Variants in LRRTM4 observed in about 807,000 individuals in gnomAD.
LRRTM4 encodes the protein leucine-rich repeat transmembrane neuronal protein 4.
Under a neutral mutation model 47.6 loss-of-function variants are expected in LRRTM4, and 25 were observed. The observed-to-expected ratio is 0.53, with a 90% CI of 0.38 to 0.73. The LOEUF is 0.73. LRRTM4 is among the 30% of genes least tolerant of loss of function. The probability of loss-of-function intolerance (pLI) is 0.00; values close to 1 mark genes in which losing one functional copy is unlikely to be tolerated. For missense variants in LRRTM4, 638 were observed against 713.4 expected, an observed-to-expected ratio of 0.89 and a Z score of 1.20; for synonymous variants, 311 against 269.5, an observed-to-expected ratio of 1.15 and a Z score of -1.51.
intron 3 of LRRTM4, among the ~76,000 whole-genome samples, chr2:77,364,744 G>A (rs533802394): frequency 6.6e-6 from 1 of 151,864 alleles, no homozygotes; most frequent in Non-Finnish European, 1.5e-5. Flanking sequence ...AATAGTAAGG[G>A]GGCATATAAA....
chr2:76,932,899 G>C (rs62170332), intron 3 of LRRTM4, among the ~76,000 whole-genome samples: 24,151 of 151,866 alleles, frequency 0.16, 2,415 homozygotes, highest in Admixed American at 0.27. Flanking sequence ...GAACATGCAG[G>C]TTTGTTACAT....
intron 3 of LRRTM4, among the ~76,000 whole-genome samples, chr2:77,207,724 CATAA>C (rs1252763396): frequency 6.6e-6 from 1 of 151,900 alleles, no homozygotes; most frequent in Non-Finnish European, 1.5e-5. Context: ...ATTTTCAACT[CATAA>C]ATAAACTATG....
intron 3 of LRRTM4, among the ~76,000 whole-genome samples, chr2:77,188,111 C>G (rs537755368): frequency 5.9e-5 from 9 of 152,268 alleles, no homozygotes; most frequent in Non-Finnish European, 1.3e-4. Flanking sequence ...CTTTAAACTG[C>G]TATACCATCA....
chr2:77,364,336 G>A (rs1194765223), intron 3 of LRRTM4, among the ~76,000 whole-genome samples: 1 of 152,004 alleles, frequency 6.6e-6, no homozygotes, highest in African/African-American at 2.4e-5. Flanking sequence ...GCTGTATTTG[G>A]AGAAAGCTAC....
intron 3 of LRRTM4, among the ~76,000 whole-genome samples, chr2:76,899,289 G>C (rs193002565): frequency 1.3e-5 from 2 of 149,562 alleles, no homozygotes; most frequent in African/African-American, 2.5e-5. Context: ...AATTCTATTG[G>C]AGGGAGAGAA....
intron 3 of LRRTM4, among the ~76,000 whole-genome samples, chr2:77,322,691 C>G (rs952968666): frequency 2.0e-5 from 3 of 151,240 alleles, no homozygotes; most frequent in Admixed American, 6.6e-5. Context: ...CGATCCTCAT[C>G]AAACAGATGC....
intron 3 of LRRTM4, among the ~76,000 whole-genome samples, chr2:77,018,259 C>CTTTTTTTTTTTTTTTTGTTTTTT (rs1678142768): frequency 1.3e-5 from 1 of 75,036 alleles, no homozygotes; most frequent in African/African-American, 5.2e-5. Flanking sequence ...CTCTTGATTG[C>CTTTTTTTTTTTTTTTTGTTTTTT]TTTTTTTTTT....
intron 3 of LRRTM4, among the ~76,000 whole-genome samples, chr2:77,027,107 CCT>C (rs1678480487): frequency 6.6e-6 from 1 of 152,044 alleles, no homozygotes; most frequent in Non-Finnish European, 1.5e-5. Context: ...CCCCAATGCC[CCT>C]CTTTCCTTGC....
intron 3 of LRRTM4, among the ~76,000 whole-genome samples, chr2:77,418,453 T>C (rs1674734186): frequency 6.6e-6 from 1 of 152,236 alleles, no homozygotes; most frequent in Admixed American, 6.5e-5. Context: ...CCCGAGCATA[T>C]GCCCTTGACT....
chr2:77,476,289 A>C (rs1677383912), intron 3 of LRRTM4, among the ~76,000 whole-genome samples: 1 of 152,186 alleles, frequency 6.6e-6, no homozygotes, highest in Admixed American at 6.5e-5. Context: ...CATCTACCTT[A>C]ATACTTTCTA....
chr2:76,903,171 A>T (rs190743243), intron 3 of LRRTM4, among the ~76,000 whole-genome samples: 2 of 152,266 alleles, frequency 1.3e-5, no homozygotes, highest in East Asian at 3.9e-4. Context: ...GGAGATCAAG[A>T]TCATCCTGGC....
rs370681497 is a variant in LRRTM4, at chr2:77,023,867, CTT to C, written c.1552-274953_1552-274952del. On this transcript the variant is annotated intron_variant, in intron 3 of 3. Coordinates refer to ENST00000409884, the MANE Select transcript of LRRTM4 (RefSeq NM_001134745.3). The stretch of plus-strand genomic sequence containing the variant: ...AAGTCACTTCCACATTTTCAGGTAT[CTT>C]TTCAGCAATGCCCCACTCTAGTGGT... Among the ~76,000 whole-genome samples the C allele has an allele frequency of 4.6e-5, 7 of 152,202 alleles. No homozygotes were observed. In the South Asian group the frequency reaches 1.2e-3, roughly 27 times the overall value.
chr2:77,251,020 T>C (rs867257366), intron 3 of LRRTM4, among the ~76,000 whole-genome samples: 1 of 151,838 alleles, frequency 6.6e-6, no homozygotes, highest in Non-Finnish European at 1.5e-5. Flanking sequence ...GGAGAATCCC[T>C]TGAACCTGGG....
At chr2:76,941,811 C>T (rs757374216) in intron 3 of LRRTM4, among the ~76,000 whole-genome samples, 1 of 152,126 alleles carries the variant, frequency 6.6e-6, no homozygotes, top group Non-Finnish European at 1.5e-5. Context: ...GATTTATAAT[C>T]CTTTGGGCAT....
chr2:76,808,191 T>C (rs923987613), intron 3 of LRRTM4, among the ~76,000 whole-genome samples: 1 of 151,870 alleles, frequency 6.6e-6, no homozygotes, highest in Non-Finnish European at 1.5e-5. Flanking sequence ...AGGCTAATTT[T>C]GTATTTTTAG....
intron 3 of LRRTM4, among the ~76,000 whole-genome samples, chr2:77,049,564 G>A (rs192710034): frequency 5.3e-4 from 81 of 151,932 alleles, no homozygotes; most frequent in African/African-American, 2.0e-3. Context: ...GTGTTTTTGA[G>A]ATACCTGTTG....
rs1053380597 is a variant in LRRTM4, at chr2:77,475,632, T to G, written c.1551+42686A>C. On this transcript the variant is annotated intron_variant, in intron 3 of 3. Transcript: ENST00000409884. ...ATTAAATAATATACATATTTTAAAGTGTTTTATATTTCTATATTGTCTTCT... is the reference window on the plus strand; with the variant it reads ...ATTAAATAATATACATATTTTAAAGGGTTTTATATTTCTATATTGTCTTCT... 2.6e-5 allele frequency among the ~76,000 whole-genome samples: 4 copies of G among 151,936 alleles called. No homozygotes were observed. The East Asian group carries it at 5.8e-4, about 22-fold the overall frequency.
intron 3 of LRRTM4, among the ~76,000 whole-genome samples, chr2:77,161,741 G>A (rs1044930681): frequency 3.2e-4 from 48 of 152,208 alleles, no homozygotes; most frequent in South Asian, 2.1e-4. Context: ...GAGAGGGTCT[G>A]TAGGTAAACT....
At chr2:77,506,730 C>T (rs990628061) in intron 3 of LRRTM4, among the ~76,000 whole-genome samples, 1 of 151,808 alleles carries the variant, frequency 6.6e-6, no homozygotes, top group Non-Finnish European at 1.5e-5. Context: ...CACTTATTCT[C>T]TTTTGTAGGA....
Sources: allele counts gnomAD v4.1 joint callset (sites outside exome capture counted in the v4.1 genomes callset), GRCh38; gene constraint gnomAD v4.1.1; transcripts MANE v1.5; gene names NCBI Gene and HGNC (gene_info 2026-07-23, HGNC 2026-07-21).